The following PKD2L2 variants were observed in gnomAD, a reference collection of about 807,000 sequenced individuals.
The protein encoded by PKD2L2 is polycystin-2-like protein 2.
A neutral mutation model predicts 83.9 loss-of-function variants in PKD2L2; 67 were observed. The observed-to-expected ratio is 0.80, with a 90% CI of 0.66 to 0.98. PKD2L2 has a LOEUF of 0.98. Among genes scored for constraint, PKD2L2 ranks in the 50% least tolerant of loss-of-function variants. PKD2L2 has a pLI of 0.00. For synonymous variants in PKD2L2, 223 were observed against 237.8 expected (o/e 0.94, Z 0.57); for missense variants, 632 against 717.2 (o/e 0.88, Z 1.36).
chr5:137,899,917 C>T (rs1047568833), intron 5 of PKD2L2, among the ~76,000 whole-genome samples, 180 bp downstream of exon 5: 3 of 151,692 alleles, frequency 2.0e-5, no homozygotes, highest in African/African-American at 7.3e-5. Flanking sequence ...TGAAAAAACT[C>T]CCAGACAAAC....
intron 11 of PKD2L2, among the ~76,000 whole-genome samples, chr5:137,925,391 C>T (rs1201262411): frequency 1.3e-5 from 2 of 152,162 alleles, no homozygotes; most frequent in Non-Finnish European, 2.9e-5. Flanking sequence ...AGGAGTGCCT[C>T]CTAATTTCTG....
intron 12 of PKD2L2, among the ~76,000 whole-genome samples, chr5:137,927,839 T>G (rs1054659927): frequency 1.3e-5 from 2 of 152,210 alleles, no homozygotes; most frequent in African/African-American, 4.8e-5. Context: ...TCGAACTCTT[T>G]ACCTCCTGCC....
intron 5 of PKD2L2, among the ~76,000 whole-genome samples, chr5:137,903,696 T>C (rs1220807541): frequency 2.0e-5 from 3 of 152,216 alleles, no homozygotes; most frequent in Non-Finnish European, 4.4e-5. Context: ...AATTTTGAAA[T>C]AATAAAACAA....
At chr5:137,908,679 G>A (rs544615322) in intron 7 of PKD2L2, 86 bp from the exon 8 acceptor site, 15 of 667,630 alleles carry the variant, frequency 2.2e-5, no homozygotes, top group East Asian at 9.0e-5. Context: ...CCTTTAATTC[G>A]AAGCAGAATT....
At chr5:137,934,088 C>A (rs553720173) in intron 12 of PKD2L2, among the ~76,000 whole-genome samples, 7 of 152,256 alleles carry the variant, frequency 4.6e-5, no homozygotes, top group African/African-American at 1.7e-4. Context: ...GAATTTGCTT[C>A]TGAGATATTG....
chr5:137,889,499 A>C lies in PKD2L2; in HGVS notation c.8A>C (p.Glu3Ala), dbSNP rs770245130. The change falls in exon 1 of 15, where the codon GAG (glutamate) becomes GCG (alanine). Residue 3 changes from glutamate (E) to alanine (A), a missense_variant. Glu to Ala is a moderately radical substitution (Grantham distance 107). This residue lies in a region of PKD2L2 where 229 missense variants were observed against 281.5 expected (regional missense o/e 0.81). Coordinates refer to ENST00000508883, the MANE Select transcript of PKD2L2 (RefSeq NM_001300921.2). ...GTGTAGTGCAGGTCCGCCATGGCTG[A>C]GGCGTCACGGTGGCACCGAGGCGGT... The part of the protein sequence containing the change: MA[E>A]ASRWHRGGAS... 1.9e-6 allele frequency: 3 copies of C among 1,562,960 alleles called. No individual in the cohort carries two copies. Among genetic ancestry groups the C allele is most frequent in the East Asian group, 2.6e-5 (1 of 39,096 alleles).
intron 8 of PKD2L2, among the ~76,000 whole-genome samples, chr5:137,909,284 C>T (rs1450697854): frequency 5.3e-5 from 8 of 152,182 alleles, no homozygotes; most frequent in Non-Finnish European, 8.8e-5. Flanking sequence ...CTGCCTCGGC[C>T]TCCCAAAATG....
intron 8 of PKD2L2, among the ~76,000 whole-genome samples, chr5:137,913,047 G>GT (rs1041674073): frequency 1.3e-5 from 2 of 150,908 alleles, no homozygotes; most frequent in African/African-American, 2.4e-5. Flanking sequence ...TCATTTTTGT[G>GT]TTTTTTTAGT....
intron 6 of PKD2L2, 68 bp from the exon 7 acceptor site, chr5:137,907,674 T>C: frequency 1.1e-6 from 1 of 924,560 alleles, no homozygotes. Flanking sequence ...TTGTGTTTCC[T>C]CATAGGCTGT....
chr5:137,904,896 G>A (rs1757244258), intron 5 of PKD2L2, among the ~76,000 whole-genome samples: 1 of 152,078 alleles, frequency 6.6e-6, no homozygotes, highest in African/African-American at 2.4e-5. Context: ...AACACACCAT[G>A]GCCTTTAAAA....
At chr5:137,913,920 T>A (rs1209816041) in intron 8 of PKD2L2, among the ~76,000 whole-genome samples, 1 of 148,420 alleles carries the variant, frequency 6.7e-6, no homozygotes, top group Admixed American at 6.8e-5. Flanking sequence ...CAGGCTGGAG[T>A]GCAATGGTGT....
intron 9 of PKD2L2, among the ~76,000 whole-genome samples, chr5:137,922,559 G>A (rs929348536): frequency 5.3e-5 from 8 of 152,022 alleles, no homozygotes; most frequent in Admixed American, 6.6e-5. Flanking sequence ...GCAACATGAC[G>A]AAATGCTGTC....
intron 14 of PKD2L2, among the ~76,000 whole-genome samples, chr5:137,941,598 G>A (rs1761858461): frequency 6.6e-6 from 1 of 152,256 alleles, no homozygotes; most frequent in South Asian, 2.1e-4. Flanking sequence ...ACTAGTTAAG[G>A]ATACCACTCC....
rs7710453 is a variant in PKD2L2, at chr5:137,891,866, G to A, written c.134-614G>A. Among the ~76,000 whole-genome samples the A allele has an allele frequency of 2.0e-5, 3 of 152,092 alleles. No homozygotes were observed. The East Asian group carries it at 5.8e-4, about 29-fold the overall frequency. On this transcript the variant is annotated intron_variant, in intron 2 of 14. Coordinates refer to ENST00000508883, the MANE Select transcript of PKD2L2 (RefSeq NM_001300921.2). ...GCCCGGCTAATTTTGTATGTTTTTA[G>A]TAGAGACAGGGTTTTCACCATGTTG...
At chr5:137,922,325 A>G (rs6874067) in intron 9 of PKD2L2, among the ~76,000 whole-genome samples, 152,329 of 152,332 alleles carry the variant, frequency 1, 76,163 homozygotes, top group Middle Eastern at 1. Context: ...GTGAAAGGTG[A>G]GCTGGTGGGG....
At chr5:137,903,422 A>G (rs1757120150) in intron 5 of PKD2L2, among the ~76,000 whole-genome samples, 1 of 152,230 alleles carries the variant, frequency 6.6e-6, no homozygotes, top group African/African-American at 2.4e-5. Flanking sequence ...TTTTTGCAAT[A>G]TACCACAGGC....
At chr5:137,941,981 G>T (rs377038318) in intron 14 of PKD2L2, 7 of 1,614,016 alleles carry the variant, frequency 4.3e-6, no homozygotes, top group Middle Eastern at 1.7e-4. Flanking sequence ...TCAAATTCCC[G>T]CAACGTTTTG....
At position 137,936,432 on chromosome 5, in the gene PKD2L2, GA is replaced by G. The variant is rs1561712580; in HGVS notation, c.*17+7del. ...ATAGTATTGAGACAAGTGGAGGTAA[GA>G]ATCTGTGATGCAATCATTGAGCATT... On this transcript the variant is annotated splice_donor_region_variant and intron_variant, in intron 14 of 14. Coordinates refer to ENST00000508883, the MANE Select transcript of PKD2L2 (RefSeq NM_001300921.2). 5.2e-6 allele frequency: 8 copies of G among 1,527,144 alleles called. No individual in the cohort carries two copies. Among genetic ancestry groups the G allele is most frequent in the Non-Finnish European group, 7.0e-6 (8 of 1,141,344 alleles). 94.6% of individuals were successfully genotyped at this position (1,527,144 alleles called of 1,614,324 possible).
chr5:137,930,026 A>C (rs1759733326), intron 12 of PKD2L2, among the ~76,000 whole-genome samples: 1 of 152,154 alleles, frequency 6.6e-6, no homozygotes, highest in Non-Finnish European at 1.5e-5. Flanking sequence ...TATCAACTTT[A>C]ATAAAGATTA....
Sources: gnomAD v4.1 joint callset for allele counts (sites outside exome capture counted in the v4.1 genomes callset) on GRCh38, gnomAD v4.1.1 for gene constraint, gnomAD v4.1.1 regional missense constraint, MANE v1.5 for transcripts, NCBI Gene and HGNC (gene_info 2026-07-23, HGNC 2026-07-21) for gene names.